The following CFAP47 variants were observed in gnomAD, a reference collection of about 807,000 sequenced individuals.
CFAP47 encodes cilia and flagella associated protein 47.
CFAP47 carries 29 observed loss-of-function variants against 148.1 expected under a neutral mutation model. The ratio of observed to expected loss-of-function variants is 0.20; its 90% CI spans 0.15 to 0.27. The LOEUF (loss-of-function observed/expected upper bound fraction) is 0.27. Ranked by LOEUF, CFAP47 falls within the 10% of genes least tolerant of loss-of-function variation. The probability of loss-of-function intolerance (pLI) is 1.00; values close to 1 mark genes in which losing one functional copy is unlikely to be tolerated. For missense variants in CFAP47, 1,872 were observed against 1,697.5 expected, an observed-to-expected ratio of 1.10 and a Z score of -1.81; for synonymous variants, 664 against 577.3, an observed-to-expected ratio of 1.15 and a Z score of -2.15.
chrX:36,177,289 T>A (rs1368440377), intron 39 of CFAP47, among the ~76,000 whole-genome samples: 1 of 112,270 alleles, frequency 8.9e-6, no homozygotes, highest in Non-Finnish European at 1.9e-5. Context: ...AATATGATAT[T>A]TATTACGTTG....
At chrX:35,969,091 TA>T (rs1936452557) in intron 10 of CFAP47, among the ~76,000 whole-genome samples, 1 of 110,817 alleles carries the variant, frequency 9.0e-6, no homozygotes, top group East Asian at 2.8e-4. Context: ...TCAAATGATC[TA>T]AAAATAGCAG....
chrX:36,024,894 T>G (rs1937198863), intron 22 of CFAP47, among the ~76,000 whole-genome samples: 1 of 111,467 alleles, frequency 9.0e-6, no homozygotes, highest in South Asian at 3.8e-4. Flanking sequence ...GTGTAGATAC[T>G]TGTTAAATGG....
intron 18 of CFAP47, among the ~76,000 whole-genome samples, chrX:35,996,415 T>C (rs1305819541): frequency 1.8e-5 from 2 of 111,297 alleles, no homozygotes; most frequent in Non-Finnish European, 3.8e-5. Flanking sequence ...TGAAAAATGG[T>C]ATTTTGTGGT....
At chrX:36,106,036 T>G (rs752445551) in intron 33 of CFAP47, among the ~76,000 whole-genome samples, 2 of 112,181 alleles carry the variant, frequency 1.8e-5, no homozygotes, top group African/African-American at 6.4e-5. Flanking sequence ...ACCAGATATC[T>G]TCATGGTTCC....
chrX:36,344,571 A>G (rs1160381910), intron 57 of CFAP47, among the ~76,000 whole-genome samples: 6 of 112,075 alleles, frequency 5.4e-5, no homozygotes, highest in Non-Finnish European at 5.6e-5. Context: ...TTGTCATGAC[A>G]TCATCTTTCT....
intron 61 of CFAP47, among the ~76,000 whole-genome samples, chrX:36,364,706 A>C (rs976621880): frequency 2.8e-5 from 3 of 108,131 alleles, no homozygotes; most frequent in Non-Finnish European, 5.8e-5. Flanking sequence ...GGAGGAAATA[A>C]GTTTGGAGAA....
At chrX:36,139,555 A>G (rs1939105031) in intron 35 of CFAP47, among the ~76,000 whole-genome samples, 2 of 111,752 alleles carry the variant, frequency 1.8e-5, no homozygotes, top group African/African-American at 3.3e-5. Flanking sequence ...ACCAGTCGCA[A>G]TGCAATTTGA....
chrX:36,002,136 T>C (rs1936922236), intron 21 of CFAP47, among the ~76,000 whole-genome samples: 1 of 111,168 alleles, frequency 9.0e-6, no homozygotes, highest in South Asian at 3.8e-4. Flanking sequence ...TACCCCTTGA[T>C]GTTTAGTGAT....
intron 40 of CFAP47, among the ~76,000 whole-genome samples, chrX:36,179,757 A>G (rs1939728905): frequency 9.0e-6 from 1 of 111,629 alleles, no homozygotes; most frequent in Non-Finnish European, 1.9e-5. Context: ...AGTAAACTCT[A>G]AAAATAACCT....
chrX:36,019,910 A>T (rs1372269006), intron 22 of CFAP47, among the ~76,000 whole-genome samples: 1 of 109,970 alleles, frequency 9.1e-6, no homozygotes, highest in East Asian at 2.9e-4. Flanking sequence ...GATCTTTTGT[A>T]CTCTCTTCAT....
chrX:36,382,060 A>G (rs1942083194), intron 63 of CFAP47, among the ~76,000 whole-genome samples: 1 of 111,426 alleles, frequency 9.0e-6, no homozygotes, highest in African/African-American at 3.3e-5. Context: ...CCTCAGATGC[A>G]GATCTTGAAA....
intron 49 of CFAP47, among the ~76,000 whole-genome samples, chrX:36,263,379 T>C (rs898916962): frequency 5.3e-5 from 6 of 112,195 alleles, no homozygotes; most frequent in Admixed American, 1.9e-4. Context: ...ATAGTCTTCT[T>C]TGAGTTAAAA....
At chrX:35,968,391 C>T (rs1273439156) in intron 10 of CFAP47, among the ~76,000 whole-genome samples, 2 of 111,410 alleles carry the variant, frequency 1.8e-5, no homozygotes, top group Non-Finnish European at 3.8e-5. Context: ...TTATATTTAT[C>T]CAAATCTCAA....
intron 50 of CFAP47, among the ~76,000 whole-genome samples, chrX:36,282,979 G>A (rs1941095932): frequency 9.0e-6 from 1 of 111,312 alleles, no homozygotes; most frequent in South Asian, 3.7e-4. Flanking sequence ...AGTTTTAATA[G>A]TGAGTATTTT....
At chrX:35,962,596 G>A in intron 8 of CFAP47, among the ~76,000 whole-genome samples, 1 of 110,171 alleles carries the variant, frequency 9.1e-6, no homozygotes, top group African/African-American at 3.3e-5. Context: ...TATCTATTTT[G>A]TCTTATATTA....
intron 15 of CFAP47, among the ~76,000 whole-genome samples, chrX:35,979,906 T>G (rs1936619496): frequency 8.9e-6 from 1 of 112,311 alleles, no homozygotes; most frequent in Non-Finnish European, 1.9e-5. Context: ...GTATTGAGCT[T>G]TTTAAACCTT....
chrX:36,236,840 A>T lies in CFAP47; in HGVS notation c.7313A>T (p.Asn2438Ile), dbSNP rs1286904644. 1 of 478,003 alleles carries T rather than the reference A, an allele frequency of 2.1e-6. No individual in the cohort carries two copies. The highest frequency in any genetic ancestry group is 2.4e-5 in the African/African-American group (1 of 41,309). The allele number at this position is 478,003 out of a possible 1,213,427, so 39.4% of individuals were successfully genotyped here. The change falls in exon 48 of 64, where the codon AAT becomes ATT. Residue 2438 changes from asparagine to isoleucine, a missense_variant. Asn to Ile is a moderately radical substitution (Grantham distance 149). Transcript: ENST00000378653. ...QKHITLPHFT[N>I]TALTFKVTAD... ...CATATAACATTGCCTCATTTCACAA[A>T]TACTGCCCTAACATTTAAGGTAAGA...
At chrX:36,256,605 AT>A (rs1940756066) in intron 49 of CFAP47, among the ~76,000 whole-genome samples, 1 of 111,747 alleles carries the variant, frequency 8.9e-6, no homozygotes, top group Non-Finnish European at 1.9e-5. Flanking sequence ...GCCTGTGAAC[AT>A]CAGGGTTAAA....
At chrX:36,317,886 T>G (rs1941449602) in intron 56 of CFAP47, among the ~76,000 whole-genome samples, 2 of 111,951 alleles carry the variant, frequency 1.8e-5, no homozygotes, top group African/African-American at 6.5e-5. Flanking sequence ...TCTGAGACTC[T>G]ACTTGCTTAC....
Sources: gnomAD v4.1 joint callset for allele counts (sites outside exome capture counted in the v4.1 genomes callset) on GRCh38, gnomAD v4.1.1 for gene constraint, MANE v1.5 for transcripts, NCBI Gene and HGNC (gene_info 2026-07-23, HGNC 2026-07-21) for gene names.